Variants in KRT222 observed in about 807,000 individuals in gnomAD.
KRT222 encodes keratin-like protein KRT222.
Under a neutral mutation model 35.0 loss-of-function variants are expected in KRT222, and 23 were observed. The ratio of observed to expected loss-of-function variants is 0.66; its 90% confidence interval spans 0.47 to 0.93. The LOEUF is 0.93. KRT222 is among the 40% of genes least tolerant of loss of function. The pLI, the probability that KRT222 is intolerant of heterozygous loss-of-function variation, is 0.00. For synonymous variants in KRT222, 108 were observed against 118.8 expected, an observed-to-expected ratio of 0.91 and a Z score of 0.59; for missense variants, 339 against 346.3, an observed-to-expected ratio of 0.98 and a Z score of 0.17.
chr17:40,659,902 A>T, intron 3 of KRT222, 85 bp downstream of exon 3: 1 of 1,168,470 alleles, frequency 8.6e-7, no homozygotes, highest in South Asian at 1.3e-5. Flanking sequence ...GGGTTTTTGG[A>T]TTTAATTTCT....
intron 1 of KRT222, 143 bp downstream of exon 1, chr17:40,664,861 A>T: frequency 7.2e-7 from 1 of 1,386,820 alleles, no homozygotes; most frequent in Non-Finnish European, 9.7e-7. Flanking sequence ...TCCCAGTCAC[A>T]CTGCAGTAGA....
chr17:40,656,614 C>T lies in KRT222; in HGVS notation c.676G>A (p.Glu226Lys), dbSNP rs1273193924. 6.3e-7 allele frequency: 1 copy of T among 1,599,864 alleles called. No homozygotes were observed. The highest frequency in any genetic ancestry group is 8.6e-7 in the Non-Finnish European group (1 of 1,167,176). Residue 226 changes from glutamate (E) to lysine (K), a missense_variant, in exon 6 of 6, where the codon GAA becomes AAA. Transcript: ENST00000394052. ...HGTIQTEKVD[E>K]VIKEWEGSFF... ...GAACCTTCCCATTCTTTAATAACTT[C>T]ATCCACTTTCTCTGTCCTGAAATGA...
intron 1 of KRT222, among the ~76,000 whole-genome samples, chr17:40,664,268 G>A (rs1295196252): frequency 6.6e-6 from 1 of 152,102 alleles, no homozygotes; most frequent in Non-Finnish European, 1.5e-5. Context: ...ACTTGCTGAA[G>A]GTGATTGTTA....
chr17:40,660,953 GT>G (rs2037380125), intron 2 of KRT222, among the ~76,000 whole-genome samples: 1 of 152,060 alleles, frequency 6.6e-6, no homozygotes, highest in Non-Finnish European at 1.5e-5. Flanking sequence ...CTTTTTGTTT[GT>G]TTGTTTGTTT....
chr17:40,661,181 C>A (rs2037381680), intron 2 of KRT222, among the ~76,000 whole-genome samples: 1 of 151,896 alleles, frequency 6.6e-6, no homozygotes, highest in Non-Finnish European at 1.5e-5. Context: ...TGGCCTCAAG[C>A]CTTGGCCTTC....
Position 40,659,991 on chromosome 17 carries a change from T to C in KRT222, c.442A>G (p.Ile148Val). The C allele has an allele frequency of 6.2e-7, 1 of 1,613,584 alleles. No homozygotes were observed. Among genetic ancestry groups the C allele is most frequent in the Non-Finnish European group, 8.5e-7 (1 of 1,179,608 alleles). ...TAACTAAATGGATTTAGGTACCTGA[T>C]TTCTTCTTTTTCTAGGAGGTGGCGA... ...TYRHLLEKEEIRYYGCIQGGK... is the reference protein window; with the variant it reads ...TYRHLLEKEEVRYYGCIQGGK... The change falls in exon 3 of 6, where the codon ATC (isoleucine) becomes GTC (valine). Residue 148 changes from isoleucine (I) to valine (V), a missense_variant. Ile to Val is a conservative substitution (Grantham distance 29). Transcript: ENST00000394052.
At position 40,657,694 on chromosome 17, in the gene KRT222, A is replaced by T; in HGVS notation, c.503T>A (p.Val168Asp). 1 of 1,612,748 alleles carries T rather than the reference A, an allele frequency of 6.2e-7. No homozygotes were observed. The highest frequency in any genetic ancestry group is 8.5e-7 in the Non-Finnish European group (1 of 1,179,232). ...CTCACCTGATGGTAAAACAAAACCAACTCTACTTGTGGTAGGCTTTTTGTC... is the reference window on the plus strand; with the variant it reads ...CTCACCTGATGGTAAAACAAAACCATCTCTACTTGTGGTAGGCTTTTTGTC... ...KKDKKPTTSRVGFVLPSAIIN... is the reference protein window; with the variant it reads ...KKDKKPTTSRDGFVLPSAIIN... The change falls in exon 4 of 6, where the codon GTT (valine) becomes GAT (aspartate). Residue 168 changes from valine to aspartate, a missense_variant. Transcript: ENST00000394052.
rs577204734 is a variant in KRT222, at chr17:40,656,549, A to C, written c.741T>G (p.Val247=). 1 of 1,613,904 alleles carries C rather than the reference A, an allele frequency of 6.2e-7. No individual in the cohort carries two copies. Among genetic ancestry groups the C allele is most frequent in the East Asian group, 2.2e-5 (1 of 44,826 alleles). Residue 247 remains valine (V), a synonymous_variant, in exon 6 of 6, where the codon GTT becomes GTG. Coordinates refer to ENST00000394052, the MANE Select transcript of KRT222 (RefSeq NM_152349.3). ...CTAAATGAAGATCAAATCGAAGAGA[A>C]ACAGACTTTTTCCTCAATCGAGGGT... ...KDNPRLRKKS[V]SLRFDLHLAA...
intron 2 of KRT222, among the ~76,000 whole-genome samples, chr17:40,661,480 G>T (rs1326627371): frequency 6.6e-6 from 1 of 152,044 alleles, no homozygotes; most frequent in African/African-American, 2.4e-5. Flanking sequence ...TGCTCAGGCT[G>T]GTCTCAAACT....
At chr17:40,662,149 C>A in intron 1 of KRT222, 105 bp from the exon 2 acceptor site, 2 of 1,417,026 alleles carry the variant, frequency 1.4e-6, no homozygotes, top group African/African-American at 2.9e-5. Flanking sequence ...GGAATCAAAG[C>A]ATTTTTCCTT....
In KRT222 at chr17:40,654,723, C is replaced by A. The variant is rs1223648913; in HGVS notation, c.*1679G>T. On this transcript the variant is annotated 3_prime_UTR_variant, in exon 6 of 6. Coordinates refer to ENST00000394052, the MANE Select transcript of KRT222 (RefSeq NM_152349.3). ...GTTGCTTAGTACAGTAACTTTAGTA[C>A]AATAGCTTATATGATTGCATTTTTA... The A allele has an allele frequency of 6.6e-6, 1 of 151,838 alleles. No homozygotes were observed. Among genetic ancestry groups the A allele is most frequent in the Non-Finnish European group, 1.5e-5 (1 of 67,980 alleles). The allele number at this position is 151,838 out of a possible 1,614,324, so 9.4% of individuals were successfully genotyped here.
At chr17:40,659,342 G>A (rs1400968653) in intron 3 of KRT222, among the ~76,000 whole-genome samples, 3 of 151,566 alleles carry the variant, frequency 2.0e-5, no homozygotes, top group African/African-American at 7.3e-5. Flanking sequence ...TATTATTATT[G>A]TTTTTTTCTT....
rs990744675 is a variant in KRT222, at chr17:40,661,998, A to G, written c.143T>C (p.Leu48Ser). 1.2e-6 allele frequency: 2 copies of G among 1,614,008 alleles called. No individual in the cohort carries two copies. The highest frequency in any genetic ancestry group is 2.7e-5 in the African/African-American group (2 of 74,910). Reference protein sequence around the residue: ...SKKMDKDEEALKAAQAELKEA... With the variant: ...SKKMDKDEEASKAAQAELKEA... The stretch of plus-strand genomic sequence containing the variant: ...CTTGAGTTCTGCTTGAGCTGCCTTC[A>G]AAGCCTCTTCATCTTTGTCCATTTT... The change falls in exon 2 of 6, where the codon TTG (leucine) becomes TCG (serine). Residue 48 changes from leucine to serine, a missense_variant. Coordinates refer to ENST00000394052, the MANE Select transcript of KRT222 (RefSeq NM_152349.3).
chr17:40,664,705 TGTAAGAG>T (rs1328701626), intron 1 of KRT222, among the ~76,000 whole-genome samples: 1 of 152,228 alleles, frequency 6.6e-6, no homozygotes, highest in Non-Finnish European at 1.5e-5. Context: ...TCCTGAAGAT[TGTAAGAG>T]GTTAGAGTGC....
Position 40,660,088 on chromosome 17 carries a change from G to T in KRT222, c.345C>A (p.Ile115=). The change falls in exon 3 of 6, where the codon ATC becomes ATA. Residue 115 remains isoleucine (I), a synonymous_variant. Transcript: ENST00000394052. ...EKELQEVRRG[I]EKQLQEHEML... ...TCTCGTGCTCTTGAAGCTGCTTTTC[G>T]ATGCCGCGCCTTACTTCCTGTAGCT... 1 of 1,614,080 alleles carries T rather than the reference G, an allele frequency of 6.2e-7. No homozygotes were observed. The highest frequency in any genetic ancestry group is 8.5e-7 in the Non-Finnish European group (1 of 1,180,016).
chr17:40,664,953 C>G (rs771253962), intron 1 of KRT222, 51 bp downstream of exon 1: 4 of 1,612,218 alleles, frequency 2.5e-6, no homozygotes, highest in Non-Finnish European at 3.4e-6. Flanking sequence ...ATTGGGTAGA[C>G]ATGGACTGTC....
At chr17:40,664,489 T>A (rs1433961746) in intron 1 of KRT222, among the ~76,000 whole-genome samples, 1 of 152,222 alleles carries the variant, frequency 6.6e-6, no homozygotes, top group Non-Finnish European at 1.5e-5. Flanking sequence ...AATGCCATGT[T>A]CACACACTCA....
chr17:40,656,644 A>T lies in KRT222; in HGVS notation c.660-14T>A. 6.8e-7 allele frequency: 1 copy of T among 1,466,778 alleles called. No individual in the cohort carries two copies. Among genetic ancestry groups the T allele is most frequent in the East Asian group, 2.3e-5 (1 of 44,108 alleles). 90.9% of individuals were successfully genotyped at this position (1,466,778 alleles called of 1,614,324 possible). ...ACTTTCTCTGTCCTGAAATGATAAA[A>T]TAAACCTTTTAATAATGAAGAAGTA... On this transcript the variant is annotated splice_polypyrimidine_tract_variant and intron_variant, in intron 5 of 5. Coordinates refer to ENST00000394052, the MANE Select transcript of KRT222 (RefSeq NM_152349.3).
chr17:40,659,347 T>C (rs761641755), intron 3 of KRT222, among the ~76,000 whole-genome samples: 6 of 151,716 alleles, frequency 4.0e-5, no homozygotes, highest in Non-Finnish European at 7.4e-5. Context: ...TTATTGTTTT[T>C]TTCTTTTAGT....
Sources: gnomAD v4.1 joint callset for allele counts (sites outside exome capture counted in the v4.1 genomes callset) on GRCh38, gnomAD v4.1.1 for gene constraint, MANE v1.5 for transcripts, NCBI Gene and HGNC (gene_info 2026-07-23, HGNC 2026-07-21) for gene names.